The following MIPEP variants were observed in gnomAD, a reference collection of about 807,000 sequenced individuals.
MIPEP encodes mitochondrial intermediate peptidase.
In MIPEP, 79 loss-of-function variants were observed where a neutral mutation model predicts 90.3. The observed-to-expected ratio is 0.87, with a 90% CI of 0.73 to 1.05. The LOEUF (loss-of-function observed/expected upper bound fraction) is 1.05. MIPEP is among the 50% of genes least tolerant of loss of function. MIPEP has a pLI of 0.00. For synonymous variants in MIPEP, 334 were observed against 315.8 expected, an observed-to-expected ratio of 1.06 and a Z score of -0.61; for missense variants, 940 against 905.6, an observed-to-expected ratio of 1.04 and a Z score of -0.49.
At chr13:23,837,332 T>C (rs1042844714) in intron 13 of MIPEP, among the ~76,000 whole-genome samples, 5 of 152,034 alleles carry the variant, frequency 3.3e-5, no homozygotes, top group African/African-American at 1.2e-4. Context: ...GAAAGACAAC[T>C]GAGATTATTC....
intron 1 of MIPEP, among the ~76,000 whole-genome samples, chr13:23,888,481 C>T (rs1448410542): frequency 6.6e-6 from 1 of 152,082 alleles, no homozygotes; most frequent in Non-Finnish European, 1.5e-5. Flanking sequence ...CCTTTCCAAC[C>T]TTGCCTTCCT....
At chr13:23,872,498 A>G (rs568883196) in intron 5 of MIPEP, among the ~76,000 whole-genome samples, 7 of 152,244 alleles carry the variant, frequency 4.6e-5, no homozygotes, top group African/African-American at 1.7e-4. Flanking sequence ...TAAGAAACCA[A>G]CTGGAAAGAA....
At chr13:23,840,740 A>G (rs1387725892) in intron 11 of MIPEP, among the ~76,000 whole-genome samples, 1 of 152,206 alleles carries the variant, frequency 6.6e-6, no homozygotes, top group African/African-American at 2.4e-5. Context: ...AAAATCAAAC[A>G]ACAAAACAAT....
At chr13:23,785,632 A>G (rs1193158604) in intron 16 of MIPEP, among the ~76,000 whole-genome samples, 1 of 151,900 alleles carries the variant, frequency 6.6e-6, no homozygotes, top group Non-Finnish European at 1.5e-5. Context: ...AATAAAAAAA[A>G]AAAAAAGAAA....
chr13:23,789,512 C>T (rs1952879803), intron 16 of MIPEP, among the ~76,000 whole-genome samples: 1 of 152,182 alleles, frequency 6.6e-6, no homozygotes, highest in Admixed American at 6.5e-5. Context: ...AGGTAAATGC[C>T]TTAGTCCTCA....
intron 10 of MIPEP, among the ~76,000 whole-genome samples, chr13:23,858,572 G>A (rs926392311): frequency 2.6e-5 from 4 of 151,850 alleles, no homozygotes; most frequent in African/African-American, 9.7e-5. Context: ...CCCTACTCTG[G>A]GCCAGCAATG....
At chr13:23,861,886 C>A (rs1870322980) in intron 9 of MIPEP, among the ~76,000 whole-genome samples, 1 of 152,106 alleles carries the variant, frequency 6.6e-6, no homozygotes, top group East Asian at 1.9e-4. Flanking sequence ...GTCAAATACT[C>A]AATTGGGCAC....
At chr13:23,858,421 CAT>C (rs1280963415) in intron 10 of MIPEP, among the ~76,000 whole-genome samples, 11 of 127,824 alleles carry the variant, frequency 8.6e-5, no homozygotes, top group Non-Finnish European at 1.4e-4. Context: ...AATGAGAAAA[CAT>C]AAGAGCGCCA....
At chr13:23,736,814 G>A (rs974958887) in intron 18 of MIPEP, among the ~76,000 whole-genome samples, 5 of 152,118 alleles carry the variant, frequency 3.3e-5, no homozygotes, top group Admixed American at 2.6e-4. Context: ...ACTGTCCTAA[G>A]AGCACTGATC....
intron 14 of MIPEP, among the ~76,000 whole-genome samples, chr13:23,833,729 AC>A (rs1868880929): frequency 2.0e-5 from 3 of 152,068 alleles, no homozygotes; most frequent in African/African-American, 4.8e-5. Flanking sequence ...TCCAGATTTT[AC>A]TTTTAAAAAA....
At position 23,779,170 on chromosome 13, in the gene MIPEP, T is replaced by G. The variant is rs187687740; in HGVS notation, c.1849-18953A>C. Among the ~76,000 whole-genome samples the G allele has an allele frequency of 7.1e-4, 108 of 152,288 alleles. 2 individuals carry two copies. The highest frequency in any genetic ancestry group is 6.4e-3 in the South Asian group (31 of 4,824). On this transcript the variant is annotated intron_variant, in intron 16 of 18. Coordinates refer to ENST00000382172, the MANE Select transcript of MIPEP (RefSeq NM_005932.4). ...TTTTCTATTATTATTTAGCAACAGT[T>G]TGAAAGTTCAAGCCATTGAATCAGC...
At chr13:23,833,364 T>C (rs563517647) in intron 14 of MIPEP, among the ~76,000 whole-genome samples, 5 of 152,338 alleles carry the variant, frequency 3.3e-5, no homozygotes, top group Admixed American at 1.3e-4. Flanking sequence ...CCATTCTCCA[T>C]GAGAATCACA....
chr13:23,852,256 G>A (rs904932141), intron 10 of MIPEP, among the ~76,000 whole-genome samples: 9 of 152,120 alleles, frequency 5.9e-5, no homozygotes, highest in Non-Finnish European at 1.2e-4. Flanking sequence ...AAGGAAATAC[G>A]AATATAGACT....
chr13:23,758,411 A>G (rs1455159368), intron 17 of MIPEP, among the ~76,000 whole-genome samples: 1 of 152,254 alleles, frequency 6.6e-6, no homozygotes, highest in Non-Finnish European at 1.5e-5. Flanking sequence ...TGCCCATAAA[A>G]GTATGGCAAC....
intron 10 of MIPEP, among the ~76,000 whole-genome samples, chr13:23,850,920 G>C (rs536178858): frequency 7.2e-5 from 11 of 152,242 alleles, no homozygotes; most frequent in Non-Finnish European, 1.0e-4. Context: ...GTTAGCCCTG[G>C]AACAGGGAGG....
intron 17 of MIPEP, chr13:23,756,934 G>A (rs1345480351): frequency 3.3e-6 from 1 of 300,934 alleles, no homozygotes; most frequent in Non-Finnish European, 6.2e-6. Flanking sequence ...AATCTTTCTG[G>A]CACCAGGGAC....
chr13:23,732,077 C>T (rs1248873270), intron 18 of MIPEP, among the ~76,000 whole-genome samples: 1 of 148,148 alleles, frequency 6.8e-6, no homozygotes, highest in Non-Finnish European at 1.5e-5. Flanking sequence ...GCAGCCTCGA[C>T]TTCCCAGGCT....
At chr13:23,747,484 CA>C in intron 18 of MIPEP, 1 of 483,484 alleles carries the variant, frequency 2.1e-6, no homozygotes, top group Admixed American at 2.2e-5. Flanking sequence ...TGGGCAGAAC[CA>C]AGCACTGTAC....
chr13:23,864,127 GAATA>G lies in MIPEP; in HGVS notation c.992+10_992+13del. Reference sequence around the variant, plus strand: ...CATATAACCAAAAAACTAAATAGTAGAATAAAAACTAACCTTTCAGAAAGTTTGT... The same window carrying G: ...CATATAACCAAAAAACTAAATAGTAGAAAACTAACCTTTCAGAAAGTTTGT... On this transcript the variant is annotated intron_variant, in intron 8 of 18. Transcript: ENST00000382172. 6.8e-7 allele frequency: 1 copy of G among 1,460,320 alleles called. No homozygotes were observed. The highest frequency in any genetic ancestry group is 9.4e-7 in the Non-Finnish European group (1 of 1,068,614). 90.5% of individuals were successfully genotyped at this position (1,460,320 alleles called of 1,614,324 possible).
Sources: gnomAD v4.1 joint callset for allele counts (sites outside exome capture counted in the v4.1 genomes callset) on GRCh38, gnomAD v4.1.1 for gene constraint, MANE v1.5 for transcripts, NCBI Gene and HGNC (gene_info 2026-07-23, HGNC 2026-07-21) for gene names.